The following CFTR variants were observed in gnomAD, a reference collection of about 807,000 sequenced individuals.
The protein encoded by CFTR is CF transmembrane conductance regulator.
A neutral mutation model predicts 171.6 loss-of-function variants in CFTR; 181 were observed. That is an observed-to-expected ratio of 1.05 (90% CI 0.93 to 1.19). The LOEUF (loss-of-function observed/expected upper bound fraction) is 1.19. Among genes scored for constraint, CFTR ranks in the 50% most tolerant of loss-of-function variants. The pLI is 0.00. For missense variants in CFTR, 1,968 were observed against 1,734.7 expected (o/e 1.13, Z -2.39); for synonymous variants, 583 against 608.0 (o/e 0.96, Z 0.60).
intron 11 of CFTR, among the ~76,000 whole-genome samples, chr7:117,583,458 A>T (rs781391086): frequency 6.6e-6 from 1 of 152,178 alleles, no homozygotes; most frequent in Non-Finnish European, 1.5e-5. Flanking sequence ...TTCATTTAGA[A>T]TAAATTGTCT....
At chr7:117,642,377 T>G (rs1792929322) in intron 22 of CFTR, 61 bp from the exon 23 acceptor site, 12 of 1,438,200 alleles carry the variant, frequency 8.3e-6, no homozygotes, top group Non-Finnish European at 1.1e-5. Flanking sequence ...CAATACTGAA[T>G]TATGTTTATG....
rs769382699 is a variant in CFTR at position 117,602,929 on chromosome 7, C to T, written c.2657+66C>T. 5.4e-5 allele frequency: 72 copies of T among 1,327,978 alleles called. No individual in the cohort carries two copies. In the Admixed American group the frequency reaches 9.4e-4, roughly 17 times the overall value. 82.3% of individuals were successfully genotyped at this position (1,327,978 alleles called of 1,614,324 possible). Reference sequence around the variant, plus strand: ...TCTGTTGATTAAATATTGTAATCCACTATGTTTGTATGTATTGTAATCCAC... The same window carrying T: ...TCTGTTGATTAAATATTGTAATCCATTATGTTTGTATGTATTGTAATCCAC... On this transcript the variant is annotated intron_variant, in intron 16 of 26. Transcript: ENST00000003084.
intron 22 of CFTR, among the ~76,000 whole-genome samples, chr7:117,635,024 A>G (rs539093029): frequency 6.6e-6 from 1 of 152,190 alleles, no homozygotes; most frequent in East Asian, 1.9e-4. Context: ...CACCTGCTAG[A>G]TCTGTCCATT....
At chr7:117,480,448 A>G (rs1037852362) in intron 1 of CFTR, among the ~76,000 whole-genome samples, 8 of 152,194 alleles carry the variant, frequency 5.3e-5, no homozygotes, top group African/African-American at 1.9e-4. Context: ...AAGAAACTAA[A>G]AATACTTGTT....
rs2116670184 is a variant in CFTR, at chr7:117,530,970, G to A, written c.345G>A (p.Glu115=). 1 of 1,613,832 alleles carries A rather than the reference G, an allele frequency of 6.2e-7. No homozygotes were observed. The highest frequency in any genetic ancestry group is 1.1e-5 in the South Asian group (1 of 91,070). Residue 115 remains glutamate (E), a synonymous_variant, in exon 4 of 27, where the codon GAG becomes GAA. Transcript: ENST00000003084. The part of the protein sequence containing the change: ...IIASYDPDNK[E]ERSIAIYLGI... ...CTTCCTATGACCCGGATAACAAGGA[G>A]GAACGCTCTATCGCGATTTATCTAG...
chr7:117,548,629 T>TGTG lies in CFTR; in HGVS notation c.1210-12_1210-11insGTG, dbSNP rs4148705. The TGTG allele has an allele frequency of 8.9e-5, 132 of 1,491,200 alleles. No homozygotes were observed. Among genetic ancestry groups the TGTG allele is most frequent in the Middle Eastern group, 3.5e-4 (2 of 5,776 alleles). 92.4% of individuals were successfully genotyped at this position (1,491,200 alleles called of 1,614,324 possible). ...TGATGTGTGTGTGTGTGTGTGTGTG[T>TGTG]TTTTTTAACAGGGATTTGGGGAATT... On this transcript the variant is annotated splice_polypyrimidine_tract_variant and intron_variant, in intron 9 of 26. Coordinates refer to ENST00000003084, the MANE Select transcript of CFTR (RefSeq NM_000492.4).
intron 15 of CFTR, among the ~76,000 whole-genome samples, chr7:117,602,223 G>GA (rs1792237607): frequency 6.6e-6 from 1 of 152,214 alleles, no homozygotes; most frequent in Non-Finnish European, 1.5e-5. Flanking sequence ...TTCTAGTAGA[G>GA]ATGAGTTTTG....
At position 117,611,772 on chromosome 7, in the gene CFTR, T is replaced by C. The variant is rs775276221; in HGVS notation, c.3331T>C (p.Phe1111Leu). The C allele has an allele frequency of 1.2e-6, 2 of 1,613,116 alleles. No homozygotes were observed. Among genetic ancestry groups the C allele is most frequent in the Admixed American group, 1.7e-5 (1 of 59,866 alleles). ...MRIEMIFVIF[F>L]IAVTFISILT... The stretch of plus-strand genomic sequence containing the variant: ...AATAGAAATGATTTTTGTCATCTTC[T>C]TCATTGCTGTTACCTTCATTTCCAT... Residue 1111 changes from phenylalanine (F) to leucine (L), a missense_variant, in exon 20 of 27, where the codon TTC (phenylalanine) becomes CTC (leucine). By Grantham distance (22) the Phe-to-Leu change is conservative. Coordinates refer to ENST00000003084, the MANE Select transcript of CFTR (RefSeq NM_000492.4).
rs751475070 is a variant in CFTR at position 117,480,109 on chromosome 7, T to C, written c.15T>C (p.Pro5=). 1.6e-5 allele frequency: 26 copies of C among 1,613,650 alleles called. No homozygotes were observed. Among genetic ancestry groups the C allele is most frequent in the Non-Finnish European group, 1.8e-5 (21 of 1,179,864 alleles). MQRS[P]LEKASVVSKL... is the part of the protein sequence containing the mutation. ...CCCGAGAGACCATGCAGAGGTCGCCTCTGGAAAAGGCCAGCGTTGTCTCCA... is the reference window on the plus strand; with the variant it reads ...CCCGAGAGACCATGCAGAGGTCGCCCCTGGAAAAGGCCAGCGTTGTCTCCA... The change falls in exon 1 of 27, where the codon CCT becomes CCC. Residue 5 remains proline (P), a synonymous_variant. Transcript: ENST00000003084.
Position 117,667,881 on chromosome 7 carries a change from T to G in CFTR, c.*773T>G, listed in dbSNP as rs1793410788. On this transcript the variant is annotated 3_prime_UTR_variant, in exon 27 of 27. Transcript: ENST00000003084. ...AGGATGGTTCCCTTGATGAAGAAGT[T>G]GATATGCCTTTTCCCAACTCCAGAA... 6.6e-6 allele frequency: 1 copy of G among 152,418 alleles called. No homozygotes were observed. Among genetic ancestry groups the G allele is most frequent in the South Asian group, 2.1e-4 (1 of 4,836 alleles). The allele number at this position is 152,418 out of a possible 1,614,324, so 9.4% of individuals were successfully genotyped here.
At chr7:117,490,540 A>G (rs957912800) in intron 1 of CFTR, among the ~76,000 whole-genome samples, 1 of 151,958 alleles carries the variant, frequency 6.6e-6, no homozygotes, top group Non-Finnish European at 1.5e-5. Context: ...CCTTCAACCG[A>G]TTGGATGAAG....
At chr7:117,571,846 G>T (rs758880923) in intron 11 of CFTR, among the ~76,000 whole-genome samples, 3 of 151,938 alleles carry the variant, frequency 2.0e-5, no homozygotes, top group Non-Finnish European at 2.9e-5. Context: ...TGAATATTAA[G>T]TGTTTGATAT....
chr7:117,505,731 A>T (rs1798403233), intron 2 of CFTR, among the ~76,000 whole-genome samples: 2 of 152,228 alleles, frequency 1.3e-5, no homozygotes, highest in Non-Finnish European at 2.9e-5. Flanking sequence ...AAGGGGGATA[A>T]AAAATAAGAC....
intron 1 of CFTR, 116 bp downstream of exon 1, chr7:117,480,263 A>G: frequency 1.1e-6 from 1 of 907,388 alleles, no homozygotes. Flanking sequence ...ATGCGCTATC[A>G]TTCATTGTTT....
At chr7:117,567,048 T>A (rs1283653482) in intron 11 of CFTR, among the ~76,000 whole-genome samples, 1 of 152,166 alleles carries the variant, frequency 6.6e-6, no homozygotes, top group Non-Finnish European at 1.5e-5. Context: ...TATGAATAGA[T>A]AATAAAATTA....
At chr7:117,586,106 T>G (rs926720957) in intron 11 of CFTR, 5 of 152,190 alleles carry the variant, frequency 3.3e-5, no homozygotes, top group Non-Finnish European at 7.3e-5. Flanking sequence ...CTTATTACCT[T>G]CTAAATTAGG....
chr7:117,633,675 C>T (rs1792784969), intron 22 of CFTR, among the ~76,000 whole-genome samples: 1 of 151,114 alleles, frequency 6.6e-6, no homozygotes, highest in African/African-American at 2.4e-5. Flanking sequence ...AAGTCTCCTT[C>T]TATTTTTAGT....
chr7:117,619,890 T>C (rs1191720797), intron 21 of CFTR, among the ~76,000 whole-genome samples: 1 of 151,636 alleles, frequency 6.6e-6, no homozygotes, highest in Admixed American at 6.6e-5. Context: ...TTTGTCCTTT[T>C]ACTGCCTGTG....
intron 22 of CFTR, among the ~76,000 whole-genome samples, chr7:117,634,403 T>C (rs1362564052): frequency 6.6e-6 from 1 of 152,090 alleles, no homozygotes; most frequent in Admixed American, 6.6e-5. Flanking sequence ...GCTAGAGATA[T>C]CTCTATTTTT....
Sources: gnomAD v4.1 joint callset for allele counts (sites outside exome capture counted in the v4.1 genomes callset) on GRCh38, gnomAD v4.1.1 for gene constraint, MANE v1.5 for transcripts, NCBI Gene and HGNC (gene_info 2026-07-23, HGNC 2026-07-21) for gene names.